The following DCC variants were observed in gnomAD, a reference collection of about 807,000 sequenced individuals.
DCC encodes the protein netrin receptor DCC.
In DCC, 58 loss-of-function variants were observed where a neutral mutation model predicts 172.5. The observed-to-expected ratio is 0.34, with a 90% CI of 0.27 to 0.42. The LOEUF is 0.42. Ranked by LOEUF, DCC falls within the 10% of genes least tolerant of loss-of-function variation. The probability of loss-of-function intolerance (pLI) is 1.00; values close to 1 mark genes in which losing one functional copy is unlikely to be tolerated. For missense variants in DCC, 1,740 were observed against 1,791.0 expected (o/e 0.97, Z 0.51); for synonymous variants, 709 against 644.5 (o/e 1.10, Z -1.52).
chr18:53,194,329 G>A (rs1172358540), intron 9 of DCC, among the ~76,000 whole-genome samples: 3 of 152,180 alleles, frequency 2.0e-5, no homozygotes, highest in East Asian at 1.9e-4. Flanking sequence ...AATGAAACTC[G>A]ATGTGGATTA....
intron 1 of DCC, among the ~76,000 whole-genome samples, chr18:52,593,810 T>C (rs1481789604): frequency 1.3e-5 from 2 of 152,200 alleles, no homozygotes; most frequent in East Asian, 3.9e-4. Flanking sequence ...CATCTAGACA[T>C]TGGCAATTGT....
At chr18:52,540,852 C>G (rs78988505) in intron 1 of DCC, among the ~76,000 whole-genome samples, 3,046 of 152,020 alleles carry the variant, frequency 0.02, 107 homozygotes, top group East Asian at 0.095. Context: ...GTGATCCGCC[C>G]GCCTCGGCCT....
At chr18:52,529,749 G>A (rs924155065) in intron 1 of DCC, among the ~76,000 whole-genome samples, 2 of 152,156 alleles carry the variant, frequency 1.3e-5, no homozygotes, top group Non-Finnish European at 1.5e-5. Context: ...GATCATATAA[G>A]TCCTGCCCTT....
chr18:53,171,132 G>T (rs951142882), intron 8 of DCC, among the ~76,000 whole-genome samples: 10 of 152,106 alleles, frequency 6.6e-5, no homozygotes, highest in Non-Finnish European at 1.2e-4. Context: ...TGATCTGCCT[G>T]CCTCGGCCTC....
chr18:53,311,407 G>A (rs1363705216), intron 13 of DCC, among the ~76,000 whole-genome samples: 1 of 152,154 alleles, frequency 6.6e-6, no homozygotes, highest in African/African-American at 2.4e-5. Flanking sequence ...ACAGGCGTGA[G>A]CCACCGCACC....
intron 2 of DCC, among the ~76,000 whole-genome samples, chr18:52,786,250 T>C (rs999079860): frequency 1.6e-4 from 24 of 151,440 alleles, no homozygotes; most frequent in African/African-American, 5.3e-4. Context: ...GGATAATTGC[T>C]CAGAACTAGC....
rs73460729 is a variant in DCC, at chr18:52,989,779, A to G, written c.985+64409A>G. The stretch of plus-strand genomic sequence containing the variant: ...AATTCTCCATCAGTTAATAAATTAG[A>G]TGATGAAACTAATTCTGACTGCTAC... On this transcript the variant is annotated intron_variant, in intron 5 of 28. Transcript: ENST00000442544. 3.0e-3 allele frequency among the ~76,000 whole-genome samples: 461 copies of G among 152,286 alleles called. 9 individuals are homozygous for G. The highest frequency in any genetic ancestry group is 0.011 in the African/African-American group (437 of 41,566).
rs144903423 is a variant in DCC at position 52,859,405 on chromosome 18, C to A, written c.413-46639C>A. ...ATGAACATACACATGCGGAGGACCA[C>A]AGAGGGATTGCTTCTATTCCCCAGT... On this transcript the variant is annotated intron_variant, in intron 2 of 28. Transcript: ENST00000442544. Among the ~76,000 whole-genome samples the A allele has an allele frequency of 5.6e-3, 859 of 152,206 alleles. 9 individuals carry two copies. Among genetic ancestry groups the A allele is most frequent in the Middle Eastern group, 0.024 (7 of 294 alleles).
chr18:52,583,097 C>T (rs945099577), intron 1 of DCC, among the ~76,000 whole-genome samples: 1 of 152,092 alleles, frequency 6.6e-6, no homozygotes, highest in Non-Finnish European at 1.5e-5. Context: ...AAAAATGGTC[C>T]TGAAGCAATC....
At chr18:53,384,273 A>G (rs1347580448) in intron 15 of DCC, among the ~76,000 whole-genome samples, 1 of 152,200 alleles carries the variant, frequency 6.6e-6, no homozygotes, top group Non-Finnish European at 1.5e-5. Flanking sequence ...TTGAGTATCT[A>G]AAGTTACTCT....
intron 20 of DCC, among the ~76,000 whole-genome samples, chr18:53,414,575 G>A (rs1186758752): frequency 3.9e-5 from 6 of 152,076 alleles, no homozygotes; most frequent in Non-Finnish European, 8.8e-5. Flanking sequence ...TTGGCCGGGC[G>A]TGGTGGCTCA....
At chr18:52,925,440 C>A in intron 5 of DCC, 70 bp downstream of exon 5, 2 of 1,471,462 alleles carry the variant, frequency 1.4e-6, no homozygotes, top group Non-Finnish European at 1.9e-6. Flanking sequence ...TTTTAATGCT[C>A]ATCACTGAAT....
chr18:52,461,326 T>C (rs1988622494), intron 1 of DCC, among the ~76,000 whole-genome samples: 1 of 152,156 alleles, frequency 6.6e-6, no homozygotes, highest in Non-Finnish European at 1.5e-5. Flanking sequence ...TAATATTACT[T>C]CTTTGGGAAT....
intron 5 of DCC, among the ~76,000 whole-genome samples, chr18:53,040,937 A>C (rs1186765737): frequency 6.6e-6 from 1 of 151,808 alleles, no homozygotes; most frequent in Non-Finnish European, 1.5e-5. Flanking sequence ...AAGATTTGAA[A>C]ATAAGAGGAT....
At chr18:53,275,119 A>G (rs535712642) in intron 12 of DCC, among the ~76,000 whole-genome samples, 20 of 152,236 alleles carry the variant, frequency 1.3e-4, no homozygotes, top group Non-Finnish European at 2.2e-4. Context: ...CAGAGATTAA[A>G]AGAATGATGT....
intron 7 of DCC, among the ~76,000 whole-genome samples, chr18:53,148,227 A>T (rs976167322): frequency 1.3e-5 from 2 of 152,186 alleles, no homozygotes; most frequent in African/African-American, 4.8e-5. Flanking sequence ...TGTTCTTTAG[A>T]CGTTCTTCAC....
chr18:52,460,627 G>A (rs1296933317), intron 1 of DCC, among the ~76,000 whole-genome samples: 3 of 152,026 alleles, frequency 2.0e-5, no homozygotes, highest in African/African-American at 4.8e-5. Context: ...GTATAGCCTA[G>A]TACACACCTA....
intron 23 of DCC, among the ~76,000 whole-genome samples, chr18:53,458,478 T>C (rs2045510251): frequency 6.6e-6 from 1 of 152,234 alleles, no homozygotes; most frequent in Non-Finnish European, 1.5e-5. Context: ...AACATGAACA[T>C]TGTGTTACTT....
chr18:52,353,821 C>T (rs1362677121), intron 1 of DCC, among the ~76,000 whole-genome samples: 2 of 152,136 alleles, frequency 1.3e-5, no homozygotes, highest in Non-Finnish European at 2.9e-5. Flanking sequence ...GAAGTTTCTG[C>T]TTAGCTCATG....
Sources: allele counts gnomAD v4.1 joint callset (sites outside exome capture counted in the v4.1 genomes callset), GRCh38; gene constraint gnomAD v4.1.1; transcripts MANE v1.5; gene names NCBI Gene and HGNC (gene_info 2026-07-23, HGNC 2026-07-21).